Variants in ITSN2 observed in about 807,000 individuals in gnomAD.
ITSN2 encodes the protein intersectin-2.
In ITSN2, 156 loss-of-function variants were observed where a neutral mutation model predicts 243.7. The ratio of observed to expected loss-of-function variants is 0.64; its 90% confidence interval spans 0.56 to 0.73. The LOEUF is 0.73. Among genes scored for constraint, ITSN2 ranks in the 30% least tolerant of loss-of-function variants. The pLI is 0.00. For synonymous variants in ITSN2, 703 were observed against 699.9 expected, an observed-to-expected ratio of 1.00 and a Z score of -0.07; for missense variants, 1,801 against 1,996.1, an observed-to-expected ratio of 0.90 and a Z score of 1.86.
At position 24,307,666 on chromosome 2, in the gene ITSN2, A is replaced by G. The variant is rs556740096; in HGVS notation, c.793+951T>C. On this transcript the variant is annotated intron_variant, in intron 8 of 39. Transcript: ENST00000355123. The stretch of plus-strand genomic sequence containing the variant: ...ACATAGGTATGTATCTTTAAATAAA[A>G]TACTGTATATTTTTGCTTGTCCAAT... Among the ~76,000 whole-genome samples, 15 of 152,332 alleles carry G rather than the reference A, an allele frequency of 9.8e-5. No individual in the cohort carries two copies. The South Asian group carries it at 2.9e-3, about 29-fold the overall frequency.
At chr2:24,294,397 G>T (rs546865171) in intron 14 of ITSN2, among the ~76,000 whole-genome samples, 2 of 152,316 alleles carry the variant, frequency 1.3e-5, no homozygotes, top group Admixed American at 6.5e-5. Context: ...CTGCACTCCA[G>T]CCTGGGTGAC....
In ITSN2 at chr2:24,264,848, A is replaced by T. The variant is rs763029406; in HGVS notation, c.2356-3106T>A. Among the ~76,000 whole-genome samples the T allele has an allele frequency of 5.3e-4, 40 of 75,424 alleles. 1 individual carries two copies. The highest frequency in any genetic ancestry group is 7.5e-4 in the Non-Finnish European group (28 of 37,156). The allele number at this position is 75,424 out of a possible 152,430, so 49.5% of individuals were successfully genotyped here. On this transcript the variant is annotated intron_variant, in intron 20 of 39. Transcript: ENST00000355123. ...ATAATAAGCCTTAAATTCAGGTACT[A>T]AAAGATTTCCAACTTTGTTCCCTTT...
intron 17 of ITSN2, among the ~76,000 whole-genome samples, chr2:24,280,020 C>T (rs902535399): frequency 2.0e-5 from 3 of 152,308 alleles, no homozygotes; most frequent in Non-Finnish European, 4.4e-5. Flanking sequence ...GCGTGAGCCA[C>T]AGTACCTGGC....
intron 25 of ITSN2, among the ~76,000 whole-genome samples, chr2:24,251,785 T>C (rs1024406457): frequency 4.0e-5 from 6 of 151,730 alleles, no homozygotes; most frequent in African/African-American, 1.5e-4. Flanking sequence ...AATGAATAAA[T>C]ATATAATTTC....
chr2:24,205,452 G>A, intron 37 of ITSN2, 155 bp from the exon 38 acceptor site: 1 of 613,422 alleles, frequency 1.6e-6, no homozygotes. Flanking sequence ...CTTTCCCCAG[G>A]CTGTGTTGCC....
At chr2:24,273,169 T>C (rs904143377) in intron 18 of ITSN2, among the ~76,000 whole-genome samples, 1 of 152,212 alleles carries the variant, frequency 6.6e-6, no homozygotes, top group Non-Finnish European at 1.5e-5. Flanking sequence ...CCCTTAGTCA[T>C]CAATGCTTTC....
chr2:24,270,849 A>G, intron 19 of ITSN2, 81 bp from the exon 20 acceptor site: 2 of 734,930 alleles, frequency 2.7e-6, no homozygotes, highest in Non-Finnish European at 4.6e-6. Flanking sequence ...TCTAAAACCT[A>G]AAAGAAAAAA....
chr2:24,265,460 TA>T (rs1260977928), intron 20 of ITSN2, among the ~76,000 whole-genome samples: 1 of 152,246 alleles, frequency 6.6e-6, no homozygotes, highest in Non-Finnish European at 1.5e-5. Flanking sequence ...GCAACCTTGC[TA>T]AACTCATTTA....
intron 1 of ITSN2, chr2:24,334,398 T>G: frequency 2.5e-6 from 1 of 400,282 alleles, no homozygotes; most frequent in Non-Finnish European, 4.8e-6. Flanking sequence ...TTTCACCATC[T>G]TGGCCAAACC....
chr2:24,254,889 A>G (rs1244560819), intron 23 of ITSN2, among the ~76,000 whole-genome samples: 4 of 152,178 alleles, frequency 2.6e-5, no homozygotes, highest in African/African-American at 9.7e-5. Flanking sequence ...ATTAATTTCC[A>G]TTTTAACCCA....
At chr2:24,311,630 G>C (rs552701522) in intron 5 of ITSN2, 34 of 167,204 alleles carry the variant, frequency 2.0e-4, no homozygotes, top group African/African-American at 7.2e-4. Flanking sequence ...CATTCAAAAT[G>C]AGTGCTTCTC....
intron 1 of ITSN2, among the ~76,000 whole-genome samples, chr2:24,338,993 C>T (rs78784913): frequency 0.02 from 3,115 of 152,130 alleles, 47 homozygotes; most frequent in Non-Finnish European, 0.031. Flanking sequence ...TGAGTGAACT[C>T]CAAGTGTCCT....
chr2:24,338,910 T>A (rs1429729110), intron 1 of ITSN2, among the ~76,000 whole-genome samples: 1 of 152,054 alleles, frequency 6.6e-6, no homozygotes, highest in South Asian at 2.1e-4. Flanking sequence ...GAGAGGTAAA[T>A]CAAAGTAAGG....
chr2:24,328,628 A>G (rs1237660759), intron 1 of ITSN2, among the ~76,000 whole-genome samples: 1 of 152,098 alleles, frequency 6.6e-6, no homozygotes, highest in East Asian at 1.9e-4. Context: ...ACACCTGGCT[A>G]ATTTTTGTGT....
chr2:24,204,890 T>C lies in ITSN2; in HGVS notation c.4762+324A>G. On this transcript the variant is annotated intron_variant, in intron 38 of 39. Coordinates refer to ENST00000355123, the MANE Select transcript of ITSN2 (RefSeq NM_006277.3). This position sits in a 1 kb window ranked among gnomAD's most constrained non-coding sequence, Gnocchi z 5.1. Reference sequence around the variant, plus strand: ...GCACTTTGTCAGTGACAAAGTGCTGTAATCCCAGCACTTTGGGAGGCCGAG... The same window carrying C: ...GCACTTTGTCAGTGACAAAGTGCTGCAATCCCAGCACTTTGGGAGGCCGAG... 2.6e-6 allele frequency: 1 copy of C among 385,400 alleles called. No individual in the cohort carries two copies. Among genetic ancestry groups the C allele is most frequent in the South Asian group, 1.9e-5 (1 of 51,422 alleles). The allele number at this position is 385,400 out of a possible 1,614,324, so 23.9% of individuals were successfully genotyped here. A position where few individuals can be genotyped will look rare whatever the true frequency, so the allele number is the denominator to read the frequency against.
intron 18 of ITSN2, among the ~76,000 whole-genome samples, chr2:24,273,349 T>C (rs1405000689): frequency 2.6e-5 from 4 of 152,242 alleles, no homozygotes; most frequent in Non-Finnish European, 5.9e-5. Context: ...AATGCTTCTC[T>C]TGCAGTCCTC....
intron 20 of ITSN2, 66 bp from the exon 21 acceptor site, chr2:24,261,808 A>G (rs1243782013): frequency 1.6e-6 from 2 of 1,214,750 alleles, no homozygotes; most frequent in Admixed American, 2.2e-5. Flanking sequence ...GAAAGAGATG[A>G]AAACTATTGT....
At chr2:24,228,271 GAAAT>G (rs749642492) in intron 29 of ITSN2, among the ~76,000 whole-genome samples, 4 of 152,082 alleles carry the variant, frequency 2.6e-5, no homozygotes, top group Non-Finnish European at 5.9e-5. Context: ...AGATGACAGA[GAAAT>G]AAACACATTT....
At chr2:24,273,403 T>C (rs931468167) in intron 18 of ITSN2, among the ~76,000 whole-genome samples, 3 of 152,220 alleles carry the variant, frequency 2.0e-5, no homozygotes, top group African/African-American at 7.2e-5. Flanking sequence ...CCTCTGTAAC[T>C]TTCCGGGACA....
Sources: gnomAD v4.1 joint callset for allele counts (sites outside exome capture counted in the v4.1 genomes callset) on GRCh38, gnomAD v4.1.1 for gene constraint, Gnocchi (gnomAD v3.1) non-coding constraint, MANE v1.5 for transcripts, NCBI Gene and HGNC (gene_info 2026-07-23, HGNC 2026-07-21) for gene names.